PDE6A: variants seen among roughly 807,000 people sequenced by gnomAD.
The protein encoded by PDE6A is rod cGMP-specific 3',5'-cyclic phosphodiesterase subunit alpha.
PDE6A carries 84 observed loss-of-function variants against 106.3 expected under a neutral mutation model. The observed-to-expected ratio is 0.79, with a 90% confidence interval of 0.66 to 0.95. The LOEUF (loss-of-function observed/expected upper bound fraction) is 0.95, where lower values mean the gene tolerates loss of function less well. Ranked by LOEUF, PDE6A falls within the 40% of genes least tolerant of loss-of-function variation. The pLI, the probability that PDE6A is intolerant of heterozygous loss-of-function variation, is 0.00. For missense variants in PDE6A, 1,052 were observed against 1,084.9 expected, an observed-to-expected ratio of 0.97 and a Z score of 0.43; for synonymous variants, 394 against 386.6, an observed-to-expected ratio of 1.02 and a Z score of -0.23.
At chr5:149,864,718 C>T (rs1760262373) in intron 20 of PDE6A, among the ~76,000 whole-genome samples, 1 of 152,144 alleles carries the variant, frequency 6.6e-6, no homozygotes, top group Non-Finnish European at 1.5e-5. Context: ...ATAAGAACAG[C>T]AAATCCACGG....
chr5:149,929,256 C>A (rs953481685), intron 4 of PDE6A, among the ~76,000 whole-genome samples: 2 of 152,114 alleles, frequency 1.3e-5, no homozygotes, highest in African/African-American at 4.8e-5. Context: ...GTAGATTGTA[C>A]ATATGATGGA....
chr5:149,886,272 G>T lies in PDE6A; in HGVS notation c.1831C>A (p.Gln611Lys). The change falls in exon 14 of 22, where the codon CAG (glutamine) becomes AAG (lysine). Residue 611 changes from glutamine to lysine, a missense_variant. Transcript: ENST00000255266. ...GGAGGGAGGCTGACTCACTTCATCT[G>T]GTAGAGGTTATTGGTGCCTCTGTGG... The part of the protein sequence containing the change: ...IDHRGTNNLY[Q>K]MKSQNPLAKL... The T allele has an allele frequency of 6.2e-7, 1 of 1,610,044 alleles. No homozygotes were observed. Among genetic ancestry groups the T allele is most frequent in the Non-Finnish European group, 8.5e-7 (1 of 1,176,262 alleles).
In PDE6A at chr5:149,883,492, T is replaced by C; in HGVS notation, c.2072A>G (p.Tyr691Cys). Residue 691 changes from tyrosine (Y) to cysteine (C), a missense_variant, in exon 17 of 22, where the codon TAT becomes TGT. By Grantham distance (194) the Tyr-to-Cys change is radical. Transcript: ENST00000255266. Reference sequence around the variant, plus strand: ...CTGTGTCCACTCCTGTTCACTCTCATATGTCTTAGACTGATCCACGATCTT... The same window carrying C: ...CTGTGTCCACTCCTGTTCACTCTCACATGTCTTAGACTGATCCACGATCTT... ...FQKIVDQSKTYESEQEWTQYM... is the reference protein window; with the variant it reads ...FQKIVDQSKTCESEQEWTQYM... The C allele has an allele frequency of 6.2e-7, 1 of 1,613,920 alleles. No homozygotes were observed. Among genetic ancestry groups the C allele is most frequent in the Non-Finnish European group, 8.5e-7 (1 of 1,179,798 alleles).
At position 149,921,646 on chromosome 5, in the gene PDE6A, G is replaced by T. The variant is rs2113640773; in HGVS notation, c.922C>A (p.Pro308Thr). The T allele has an allele frequency of 6.2e-7, 1 of 1,613,258 alleles. No individual in the cohort carries two copies. The highest frequency in any genetic ancestry group is 1.7e-4 in the Middle Eastern group (1 of 6,060). The change falls in exon 5 of 22, where the codon CCG becomes ACG. Residue 308 changes from proline to threonine, a missense_variant. By Grantham distance (38) the Pro-to-Thr change is conservative. Around this residue, in one of 3 missense-constraint regions of PDE6A, gnomAD observed 913 missense variants for 915.2 expected, o/e 1.00. Coordinates refer to ENST00000255266, the MANE Select transcript of PDE6A (RefSeq NM_000440.3). The part of the protein sequence containing the change: ...EVPPYSGPRT[P>T]DGREINFYKV... ...CAGAGAGAACGTACTCTTCCATCCG[G>T]AGTCCTGGGACCAGAGTAAGGTGGA...
chr5:149,914,277 T>C (rs1342326214), intron 6 of PDE6A, among the ~76,000 whole-genome samples: 3 of 152,138 alleles, frequency 2.0e-5, no homozygotes, highest in Non-Finnish European at 4.4e-5. Context: ...CTCTCTACCG[T>C]CTCACACTGC....
At chr5:149,903,525 T>G in intron 8 of PDE6A, 123 bp downstream of exon 8, 3 of 779,820 alleles carry the variant, frequency 3.8e-6, no homozygotes, top group African/African-American at 1.7e-5. Flanking sequence ...AATTTTATCC[T>G]GTCATATTTT....
chr5:149,903,053 G>A (rs1464512515), intron 8 of PDE6A, among the ~76,000 whole-genome samples: 1 of 148,592 alleles, frequency 6.7e-6, no homozygotes, highest in African/African-American at 2.5e-5. Flanking sequence ...GCAGGCTGAG[G>A]CAGGAGTTTT....
At chr5:149,884,956 C>A (rs1752227672) in intron 14 of PDE6A, 89 bp from the exon 15 acceptor site, 2 of 1,041,670 alleles carry the variant, frequency 1.9e-6, no homozygotes, top group South Asian at 2.6e-5. Flanking sequence ...CTTCAGCCTT[C>A]TCCACAAGTG....
rs1219967457 is a variant in PDE6A at position 149,933,975 on chromosome 5, C to T, written c.672G>A (p.Val224=). The T allele has an allele frequency of 2.5e-6, 4 of 1,613,866 alleles. No homozygotes were observed. The highest frequency in any genetic ancestry group is 1.7e-5 in the Admixed American group (1 of 60,022). ...YLNFANLIMK[V]YHLSYLHNCE... ...AGTTGTGCAGGTAACTCAGGTGGTACACCTTCATGATTAGATTTGCAAAAT... is the reference window on the plus strand; with the variant it reads ...AGTTGTGCAGGTAACTCAGGTGGTATACCTTCATGATTAGATTTGCAAAAT... Residue 224 remains valine, a synonymous_variant, in exon 3 of 22, where the codon GTG becomes GTA. Coordinates refer to ENST00000255266, the MANE Select transcript of PDE6A (RefSeq NM_000440.3).
chr5:149,929,909 G>A (rs1410755282), intron 4 of PDE6A, among the ~76,000 whole-genome samples: 2 of 152,006 alleles, frequency 1.3e-5, no homozygotes, highest in Admixed American at 6.6e-5. Context: ...CTGTGTCTAC[G>A]TTGTCCTTCT....
In PDE6A at chr5:149,861,047, C is replaced by T. The variant is rs1331898187; in HGVS notation, c.2507-76G>A. 5 of 1,349,490 alleles carry T rather than the reference C, an allele frequency of 3.7e-6. No homozygotes were observed. The East Asian group carries it at 1.2e-4, about 33-fold the overall frequency. 83.6% of individuals were successfully genotyped at this position (1,349,490 alleles called of 1,614,324 possible). On this transcript the variant is annotated intron_variant, in intron 21 of 21. Transcript: ENST00000255266. Reference sequence around the variant, plus strand: ...GGCTTCCCCTTTGACCTAATTTGGACCAAGAGTTGCAAACTCAAAGGCTTT... The same window carrying T: ...GGCTTCCCCTTTGACCTAATTTGGATCAAGAGTTGCAAACTCAAAGGCTTT...
At chr5:149,935,523 G>A (rs1754156313) in intron 1 of PDE6A, among the ~76,000 whole-genome samples, 2 of 152,146 alleles carry the variant, frequency 1.3e-5, no homozygotes, top group South Asian at 4.1e-4. Context: ...CAAGGTTCAG[G>A]CCAGCTCAAA....
chr5:149,887,968 CTG>C (rs113190336), intron 13 of PDE6A, among the ~76,000 whole-genome samples: 9 of 150,216 alleles, frequency 6.0e-5, no homozygotes, highest in Non-Finnish European at 7.4e-5. Context: ...CGCCCTCTTT[CTG>C]TGTGTGTGTG....
At chr5:149,861,504 G>A (rs989458120) in intron 21 of PDE6A, among the ~76,000 whole-genome samples, 5 of 152,204 alleles carry the variant, frequency 3.3e-5, no homozygotes, top group African/African-American at 1.2e-4. Flanking sequence ...ACAAAAATTG[G>A]CCAGGCATGG....
At chr5:149,941,863 T>C (rs919331504) in intron 1 of PDE6A, among the ~76,000 whole-genome samples, 2 of 152,134 alleles carry the variant, frequency 1.3e-5, no homozygotes, top group African/African-American at 4.8e-5. Flanking sequence ...GTGTTGCATC[T>C]TTTTTTTCTT....
intron 17 of PDE6A, among the ~76,000 whole-genome samples, chr5:149,879,891 G>A (rs898862406): frequency 6.6e-6 from 1 of 151,674 alleles, no homozygotes; most frequent in Non-Finnish European, 1.5e-5. Context: ...GTTTATTTTG[G>A]TATAAGGAAT....
chr5:149,931,352 TA>T, intron 3 of PDE6A, among the ~76,000 whole-genome samples, 184 bp from the exon 4 acceptor site: 1 of 143,842 alleles, frequency 7.0e-6, no homozygotes, highest in African/African-American at 2.7e-5. Flanking sequence ...TTAAAGTTTT[TA>T]ATTTTTTTTT....
chr5:149,906,519 C>CAAAAGAAAAAAAAAAAAAAAA (rs1753188848), intron 7 of PDE6A, among the ~76,000 whole-genome samples: 2 of 54,204 alleles, frequency 3.7e-5, no homozygotes, highest in Non-Finnish European at 4.0e-5. Context: ...GAGACACTGT[C>CAAAAGAAAAAAAAAAAAAAAA]AAAAAAAAAA....
intron 4 of PDE6A, among the ~76,000 whole-genome samples, chr5:149,927,516 G>T (rs543202417): frequency 1.3e-5 from 2 of 152,180 alleles, no homozygotes; most frequent in East Asian, 3.9e-4. Context: ...GGTCTCAAGC[G>T]ATTCTTCTAC....
Sources: allele counts gnomAD v4.1 joint callset (sites outside exome capture counted in the v4.1 genomes callset), GRCh38; gene constraint gnomAD v4.1.1; regional missense constraint gnomAD v4.1.1; transcripts MANE v1.5; gene names NCBI Gene and HGNC (gene_info 2026-07-23, HGNC 2026-07-21).